Variants in ANKRD6 observed in about 807,000 individuals in gnomAD.
ANKRD6 encodes ankyrin repeat domain-containing protein 6.
In ANKRD6, 56 loss-of-function variants were observed where a neutral mutation model predicts 82.3. That is an observed-to-expected ratio of 0.68 (90% CI 0.55 to 0.85). ANKRD6 has a LOEUF of 0.85. ANKRD6 is among the 40% of genes least tolerant of loss of function. The pLI is 0.00. For missense variants in ANKRD6, 852 were observed against 907.6 expected (o/e 0.94, Z 0.79); for synonymous variants, 347 against 352.1 (o/e 0.99, Z 0.16).
intron 1 of ANKRD6, among the ~76,000 whole-genome samples, chr6:89,472,529 C>A (rs759600659): frequency 3.3e-5 from 5 of 152,120 alleles, no homozygotes; most frequent in Non-Finnish European, 5.9e-5. Flanking sequence ...CTTATGATTT[C>A]TATTTCTTGA....
intron 2 of ANKRD6, among the ~76,000 whole-genome samples, chr6:89,579,756 C>CAAA (rs61159223): frequency 0.27 from 18,087 of 68,066 alleles, 3,249 homozygotes; most frequent in Middle Eastern, 0.36. Context: ...GACCCTGTCT[C>CAAA]AAAAAAAAAA....
intron 1 of ANKRD6, among the ~76,000 whole-genome samples, chr6:89,506,783 A>G (rs1270861593): frequency 6.6e-6 from 1 of 152,220 alleles, no homozygotes; most frequent in Non-Finnish European, 1.5e-5. Flanking sequence ...GTTGGTTCGC[A>G]TCCCGATCTC....
downstream of ANKRD6, chr6:89,633,824 C>G (rs1379870800): frequency 1.3e-5 from 2 of 152,174 alleles, no homozygotes; most frequent in African/African-American, 4.8e-5. Flanking sequence ...TAAAAAAATG[C>G]AAGTGTGAAT....
At chr6:89,567,120 A>G (rs1294086644) in intron 2 of ANKRD6, 24 bp downstream of exon 2, 13 of 1,564,892 alleles carry the variant, frequency 8.3e-6, no homozygotes, top group African/African-American at 1.4e-5. Flanking sequence ...AATACGCTGT[A>G]GCCATTCCCT....
chr6:89,459,148 G>A (rs546450137), intron 1 of ANKRD6, among the ~76,000 whole-genome samples: 2 of 152,150 alleles, frequency 1.3e-5, no homozygotes, highest in South Asian at 2.1e-4. Context: ...ATGTGATCTC[G>A]GCTCACTGCA....
chr6:89,435,963 T>C (rs190886724), intron 1 of ANKRD6, among the ~76,000 whole-genome samples: 4 of 152,320 alleles, frequency 2.6e-5, no homozygotes, highest in African/African-American at 9.6e-5. Context: ...TGTTACTTCT[T>C]GGTTAAGGCA....
chr6:89,477,135 G>A (rs1384982889), intron 1 of ANKRD6, among the ~76,000 whole-genome samples: 1 of 151,994 alleles, frequency 6.6e-6, no homozygotes, highest in African/African-American at 2.4e-5. Flanking sequence ...TAGTAGAGAC[G>A]GGGTTTCACC....
intron 1 of ANKRD6, among the ~76,000 whole-genome samples, chr6:89,510,447 G>T (rs1780397863): frequency 6.6e-6 from 1 of 151,846 alleles, no homozygotes; most frequent in Admixed American, 6.6e-5. Flanking sequence ...AAAGCACCTG[G>T]TACTGTGGCA....
chr6:89,585,003 C>A (rs2128126254), intron 2 of ANKRD6, among the ~76,000 whole-genome samples: 1 of 152,226 alleles, frequency 6.6e-6, no homozygotes, highest in South Asian at 2.1e-4. Flanking sequence ...TAATTACCTT[C>A]CAAAGGGCCC....
At chr6:89,487,884 T>A (rs116267011) in intron 1 of ANKRD6, among the ~76,000 whole-genome samples, 2,078 of 152,334 alleles carry the variant, frequency 0.014, 52 homozygotes, top group African/African-American at 0.046. Flanking sequence ...ATTAGCTACA[T>A]AAATTGTGAA....
intron 1 of ANKRD6, among the ~76,000 whole-genome samples, chr6:89,440,449 A>G (rs1370262692): frequency 6.6e-6 from 1 of 152,190 alleles, no homozygotes; most frequent in Non-Finnish European, 1.5e-5. Context: ...ACTAACCTTT[A>G]TCCTTCCTGG....
intron 1 of ANKRD6, among the ~76,000 whole-genome samples, chr6:89,506,838 T>C (rs1426749280): frequency 6.6e-6 from 1 of 152,230 alleles, no homozygotes; most frequent in African/African-American, 2.4e-5. Flanking sequence ...TTTAACCTTC[T>C]GTCCTCTCCA....
chr6:89,574,314 CA>C (rs11288949), intron 2 of ANKRD6, among the ~76,000 whole-genome samples: 50,122 of 151,860 alleles, frequency 0.33, 8,540 homozygotes, highest in South Asian at 0.59. Context: ...TGGATTTTGA[CA>C]ACCAAAAATG....
chr6:89,459,263 A>G lies in ANKRD6; in HGVS notation c.-144+25888A>G, dbSNP rs148555774. ...TCAGCTAATTTTGTATTTTTAGTAG[A>G]GACGGAGTTTCTCCATGTTGGTCAG... On this transcript the variant is annotated intron_variant, in intron 1 of 15. Transcript: ENST00000339746. Among the ~76,000 whole-genome samples the G allele has an allele frequency of 7.9e-4, 121 of 152,228 alleles. 1 individual carries two copies. Among genetic ancestry groups the G allele is most frequent in the African/African-American group, 2.8e-3 (116 of 41,540 alleles).
intron 1 of ANKRD6, among the ~76,000 whole-genome samples, chr6:89,459,374 G>C (rs1459068280): frequency 6.6e-6 from 1 of 152,162 alleles, no homozygotes; most frequent in Non-Finnish European, 1.5e-5. Context: ...CACCATGCCT[G>C]GCTGAACATA....
At chr6:89,580,436 G>A (rs556883914) in intron 2 of ANKRD6, among the ~76,000 whole-genome samples, 3 of 152,212 alleles carry the variant, frequency 2.0e-5, no homozygotes, top group African/African-American at 7.2e-5. Flanking sequence ...TCCCCAGCAT[G>A]AGCACCTGAT....
chr6:89,549,167 G>A (rs1474346881), intron 1 of ANKRD6, among the ~76,000 whole-genome samples: 1 of 152,084 alleles, frequency 6.6e-6, no homozygotes, highest in Admixed American at 6.6e-5. Flanking sequence ...CCATGAGCGC[G>A]CCACTGCATG....
intron 10 of ANKRD6, among the ~76,000 whole-genome samples, chr6:89,622,742 C>G (rs950994569): frequency 1.8e-4 from 28 of 152,124 alleles, no homozygotes; most frequent in Non-Finnish European, 3.2e-4. Flanking sequence ...ATAAACCATG[C>G]CTTTGAGTTC....
At chr6:89,570,368 T>C (rs540489514) in intron 2 of ANKRD6, among the ~76,000 whole-genome samples, 11 of 152,346 alleles carry the variant, frequency 7.2e-5, no homozygotes, top group Admixed American at 3.9e-4. Flanking sequence ...GCCTTTCTTT[T>C]ATATTTTTAA....
Sources: allele counts gnomAD v4.1 joint callset (sites outside exome capture counted in the v4.1 genomes callset), GRCh38; gene constraint gnomAD v4.1.1; transcripts MANE v1.5; gene names NCBI Gene and HGNC (gene_info 2026-07-23, HGNC 2026-07-21).